GRM5: variants seen among roughly 807,000 people sequenced by gnomAD.
The protein encoded by GRM5 is glutamate metabotropic receptor 5.
In GRM5, 19 loss-of-function variants were observed where a neutral mutation model predicts 83.1. That is an observed-to-expected ratio of 0.23 (90% CI 0.16 to 0.34). The LOEUF is 0.34. Ranked by LOEUF, GRM5 falls within the 10% of genes least tolerant of loss-of-function variation. GRM5 has a pLI of 1.00. For missense variants in GRM5, 1,160 were observed against 1,588.3 expected (o/e 0.73, Z 4.58); for synonymous variants, 675 against 633.6 (o/e 1.07, Z -0.98).
chr11:88,835,953 G>A (rs1565254167), intron 3 of GRM5, among the ~76,000 whole-genome samples: 1 of 151,876 alleles, frequency 6.6e-6, no homozygotes, highest in African/African-American at 2.4e-5. Context: ...GAGAATCACG[G>A]CATTCAAGCC....
In GRM5 at chr11:88,855,730, T is replaced by C. The variant is rs559481285; in HGVS notation, c.662-5575A>G. Among the ~76,000 whole-genome samples the C allele has an allele frequency of 1.4e-4, 21 of 152,060 alleles. No homozygotes were observed. The South Asian group carries it at 3.3e-3, about 24-fold the overall frequency. On this transcript the variant is annotated intron_variant, in intron 2 of 9. Transcript: ENST00000305447. ...TTAAGGTACTAAGTATTATAATAAA[T>C]TAAAATAGATTTCTGTATTATATAT...
intron 2 of GRM5, among the ~76,000 whole-genome samples, chr11:89,000,415 A>C (rs1940339722): frequency 6.6e-6 from 1 of 152,152 alleles, no homozygotes; most frequent in Non-Finnish European, 1.5e-5. Flanking sequence ...AAACCACATA[A>C]ATATGCCCAA....
At chr11:88,745,749 A>T (rs1430780032) in intron 3 of GRM5, among the ~76,000 whole-genome samples, 1 of 152,186 alleles carries the variant, frequency 6.6e-6, no homozygotes, top group East Asian at 1.9e-4. Context: ...GTCAATAGTG[A>T]TATCTGTGAG....
chr11:88,771,190 G>A (rs1252074585), intron 3 of GRM5, among the ~76,000 whole-genome samples: 1 of 152,054 alleles, frequency 6.6e-6, no homozygotes, highest in Non-Finnish European at 1.5e-5. Flanking sequence ...AGACATGCTT[G>A]TATTAGGGTT....
chr11:88,529,176 G>A (rs771271403), intron 8 of GRM5, among the ~76,000 whole-genome samples: 36 of 151,762 alleles, frequency 2.4e-4, no homozygotes, highest in Non-Finnish European at 5.0e-4. Context: ...ATTCAAAACC[G>A]TTTACTGAAT....
intron 2 of GRM5, among the ~76,000 whole-genome samples, chr11:89,025,929 A>C (rs189784250): frequency 6.6e-5 from 10 of 152,216 alleles, no homozygotes; most frequent in African/African-American, 1.7e-4. Context: ...CATAGAATCA[A>C]CTTAGATGCT....
intron 3 of GRM5, among the ~76,000 whole-genome samples, chr11:88,811,846 C>A (rs12795125): frequency 6.6e-6 from 1 of 151,850 alleles, no homozygotes; most frequent in Non-Finnish European, 1.5e-5. Flanking sequence ...GGGTACCATG[C>A]GCCAACTTAC....
At chr11:88,548,843 CT>C (rs772905832) in intron 8 of GRM5, among the ~76,000 whole-genome samples, 1 of 152,186 alleles carries the variant, frequency 6.6e-6, no homozygotes, top group Non-Finnish European at 1.5e-5. Context: ...TCACCAGAGA[CT>C]AGAGAAGTGA....
chr11:89,030,720 A>C (rs1941241593), intron 2 of GRM5, among the ~76,000 whole-genome samples: 1 of 152,078 alleles, frequency 6.6e-6, no homozygotes, highest in Admixed American at 6.6e-5. Context: ...AGTTAGTATA[A>C]AATTGAGAAT....
At chr11:88,676,042 T>A (rs953553965) in intron 3 of GRM5, among the ~76,000 whole-genome samples, 2 of 152,020 alleles carry the variant, frequency 1.3e-5, no homozygotes, top group Non-Finnish European at 1.5e-5. Flanking sequence ...AGGCTAGTTA[T>A]AATAAAGAAC....
intron 2 of GRM5, among the ~76,000 whole-genome samples, chr11:88,892,163 T>A (rs1230599093): frequency 6.6e-6 from 1 of 151,742 alleles, no homozygotes. Flanking sequence ...AGTCTTTTTT[T>A]TTTTTTTTTT....
intron 3 of GRM5, among the ~76,000 whole-genome samples, chr11:88,828,094 A>C (rs1293069793): frequency 6.6e-6 from 1 of 152,188 alleles, no homozygotes; most frequent in African/African-American, 2.4e-5. Flanking sequence ...AAAAGCCCTG[A>C]GGTGGAAGTG....
chr11:88,624,217 G>T (rs973109195), intron 4 of GRM5, among the ~76,000 whole-genome samples: 10 of 152,152 alleles, frequency 6.6e-5, no homozygotes, highest in Non-Finnish European at 1.5e-4. Flanking sequence ...ATCAAATTCA[G>T]TTCACTACTG....
intron 3 of GRM5, among the ~76,000 whole-genome samples, chr11:88,660,546 C>T (rs1251247669): frequency 6.6e-6 from 1 of 152,088 alleles, no homozygotes; most frequent in African/African-American, 2.4e-5. Context: ...GGAGCAATAC[C>T]AATCTAAAAA....
At chr11:88,869,855 T>C (rs1159881522) in intron 2 of GRM5, among the ~76,000 whole-genome samples, 1 of 151,564 alleles carries the variant, frequency 6.6e-6, no homozygotes, top group Admixed American at 6.6e-5. Flanking sequence ...GGTAAATCTG[T>C]CAGTATAAAA....
intron 3 of GRM5, among the ~76,000 whole-genome samples, chr11:88,713,007 C>A (rs1941315404): frequency 6.6e-6 from 1 of 151,860 alleles, no homozygotes; most frequent in Non-Finnish European, 1.5e-5. Flanking sequence ...TAGGTAGGCT[C>A]CAGTTTACAA....
At chr11:88,929,244 T>C (rs1212253601) in intron 2 of GRM5, among the ~76,000 whole-genome samples, 2 of 152,056 alleles carry the variant, frequency 1.3e-5, no homozygotes, top group Non-Finnish European at 1.5e-5. Flanking sequence ...TCTTCAATTA[T>C]CATTTAAAGA....
At chr11:89,060,773 T>G (rs1181898214) in intron 1 of GRM5, among the ~76,000 whole-genome samples, 1 of 152,172 alleles carries the variant, frequency 6.6e-6, no homozygotes, top group Non-Finnish European at 1.5e-5. Flanking sequence ...TTTAAACAAC[T>G]AAGATAAAGG....
At chr11:88,774,232 C>T (rs1360153578) in intron 3 of GRM5, among the ~76,000 whole-genome samples, 1 of 151,396 alleles carries the variant, frequency 6.6e-6, no homozygotes, top group Non-Finnish European at 1.5e-5. Flanking sequence ...TGGGAGTTCA[C>T]ACATGATTTG....
Sources: allele counts gnomAD v4.1 joint callset (sites outside exome capture counted in the v4.1 genomes callset), GRCh38; gene constraint gnomAD v4.1.1; transcripts MANE v1.5; gene names NCBI Gene and HGNC (gene_info 2026-07-23, HGNC 2026-07-21).